The following CREB1 variants were observed in gnomAD, a reference collection of about 807,000 sequenced individuals.
CREB1 encodes the protein cyclic AMP-responsive element-binding protein 1.
Under a neutral mutation model 42.0 loss-of-function variants are expected in CREB1, and 2 were observed. The ratio of observed to expected loss-of-function variants is 0.05; its 90% confidence interval spans 0.02 to 0.15. The LOEUF is 0.15. Ranked by LOEUF, CREB1 falls within the 10% of genes least tolerant of loss-of-function variation. The pLI is 1.00. For missense variants in CREB1, 199 were observed against 388.9 expected (o/e 0.51, Z 4.11); for synonymous variants, 123 against 139.9 (o/e 0.88, Z 0.85).
intron 7 of CREB1, chr2:207,581,740 G>C: frequency 1.5e-6 from 1 of 651,658 alleles, no homozygotes; most frequent in Non-Finnish European, 2.7e-6. Context: ...AAGTACATTG[G>C]TATAATACCA....
intron 7 of CREB1, among the ~76,000 whole-genome samples, chr2:207,592,024 A>C (rs1270558380): frequency 6.6e-6 from 1 of 152,174 alleles, no homozygotes. Flanking sequence ...TTCTTAGAAA[A>C]TAGATCTTCT....
chr2:207,586,371 A>G (rs1388210162), intron 7 of CREB1, among the ~76,000 whole-genome samples: 1 of 152,188 alleles, frequency 6.6e-6, no homozygotes, highest in East Asian at 1.9e-4. Context: ...ATCTGTGTGC[A>G]GAGAATGAAA....
At chr2:207,530,417 G>T (rs1473704505) in intron 1 of CREB1, among the ~76,000 whole-genome samples, 1 of 145,960 alleles carries the variant, frequency 6.9e-6, no homozygotes, top group African/African-American at 2.5e-5. Context: ...GGCGGGCGGG[G>T]TGGGAGCCGG....
chr2:207,556,724 T>C (rs1007226682), intron 2 of CREB1, among the ~76,000 whole-genome samples: 1 of 152,176 alleles, frequency 6.6e-6, no homozygotes, highest in African/African-American at 2.4e-5. Flanking sequence ...ATACATCTAA[T>C]GTACTCATAC....
At chr2:207,587,306 T>A (rs2084040708) in intron 7 of CREB1, among the ~76,000 whole-genome samples, 1 of 148,556 alleles carries the variant, frequency 6.7e-6, no homozygotes, top group Non-Finnish European at 1.5e-5. Context: ...GGCAGGAGAA[T>A]GGCGTGAACC....
chr2:207,595,454 G>C (rs930783561), intron 7 of CREB1, among the ~76,000 whole-genome samples: 5 of 150,904 alleles, frequency 3.3e-5, no homozygotes, highest in African/African-American at 1.2e-4. Flanking sequence ...ACAGCATCTT[G>C]CTGTCTCCCA....
At chr2:207,540,884 G>C (rs905271126) in intron 1 of CREB1, among the ~76,000 whole-genome samples, 3 of 152,080 alleles carry the variant, frequency 2.0e-5, no homozygotes, top group Admixed American at 1.3e-4. Context: ...GTAAGCTACG[G>C]TTAATGTATT....
chr2:207,539,302 C>A (rs1465792219), intron 1 of CREB1, among the ~76,000 whole-genome samples: 1 of 151,118 alleles, frequency 6.6e-6, no homozygotes, highest in African/African-American at 2.4e-5. Flanking sequence ...GATCTGCCTG[C>A]CTCAGCCTCC....
intron 4 of CREB1, 36 bp from the exon 5 acceptor site, chr2:207,570,143 T>TA (rs1289925808): frequency 6.6e-7 from 1 of 1,518,172 alleles, no homozygotes; most frequent in South Asian, 1.2e-5. Flanking sequence ...AAATTGTACT[T>TA]ATATTTTTAA....
chr2:207,531,086 G>A (rs886327710), intron 1 of CREB1, among the ~76,000 whole-genome samples: 8 of 151,942 alleles, frequency 5.3e-5, no homozygotes, highest in African/African-American at 1.9e-4. Flanking sequence ...AAGGGAAGCT[G>A]GTGTTTGAAA....
chr2:207,569,630 C>T (rs2082277057), intron 4 of CREB1, among the ~76,000 whole-genome samples: 1 of 151,852 alleles, frequency 6.6e-6, no homozygotes, highest in African/African-American at 2.4e-5. Context: ...TGCACCCTTC[C>T]TTACATTGAG....
chr2:207,558,253 C>T (rs1419044437), intron 2 of CREB1, among the ~76,000 whole-genome samples: 6 of 152,176 alleles, frequency 3.9e-5, no homozygotes, highest in East Asian at 1.9e-4. Context: ...TCACATATTT[C>T]GCTGCCTGCT....
At chr2:207,588,889 C>T (rs2084418980) in intron 7 of CREB1, among the ~76,000 whole-genome samples, 3 of 142,298 alleles carry the variant, frequency 2.1e-5, no homozygotes, top group South Asian at 2.2e-4. Flanking sequence ...GGAGCTTTGT[C>T]GGGGGGGGTG....
intron 1 of CREB1, among the ~76,000 whole-genome samples, chr2:207,540,346 A>T (rs2081044239): frequency 6.6e-6 from 1 of 151,938 alleles, no homozygotes; most frequent in African/African-American, 2.4e-5. Flanking sequence ...TTTAACAAAA[A>T]ATTTTAAAAA....
chr2:207,588,199 C>T (rs1263699514), intron 7 of CREB1, among the ~76,000 whole-genome samples: 2 of 152,104 alleles, frequency 1.3e-5, no homozygotes, highest in East Asian at 1.9e-4. Context: ...CTATAATTCC[C>T]TCCTGAGTTT....
intron 4 of CREB1, among the ~76,000 whole-genome samples, chr2:207,569,824 A>C (rs1473836154): frequency 1.3e-5 from 2 of 151,994 alleles, no homozygotes; most frequent in African/African-American, 4.8e-5. Flanking sequence ...CGGGTGGATC[A>C]CATGAGGTCA....
intron 7 of CREB1, chr2:207,581,027 G>T (rs901569700): frequency 4.6e-6 from 1 of 217,154 alleles, no homozygotes; most frequent in African/African-American, 2.2e-5. Context: ...GAAAAATTGT[G>T]AAAGTAATAC....
intron 1 of CREB1, among the ~76,000 whole-genome samples, chr2:207,544,586 T>C (rs1241887248): frequency 6.6e-6 from 1 of 152,176 alleles, no homozygotes; most frequent in African/African-American, 2.4e-5. Context: ...CAGGGGTACA[T>C]GTGCAGGATG....
intron 1 of CREB1, among the ~76,000 whole-genome samples, chr2:207,535,577 T>C (rs2080834716): frequency 6.6e-6 from 1 of 152,128 alleles, no homozygotes; most frequent in Non-Finnish European, 1.5e-5. Flanking sequence ...TATGTGAGTT[T>C]TATATTTTGT....
Sources: gnomAD v4.1 joint callset for allele counts (sites outside exome capture counted in the v4.1 genomes callset) on GRCh38, gnomAD v4.1.1 for gene constraint, MANE v1.5 for transcripts, NCBI Gene and HGNC (gene_info 2026-07-23, HGNC 2026-07-21) for gene names.